STK39: variants seen among roughly 807,000 people sequenced by gnomAD.
The protein encoded by STK39 is STE20/SPS1-related proline-alanine-rich protein kinase.
A neutral mutation model predicts 77.8 loss-of-function variants in STK39; 20 were observed. The ratio of observed to expected loss-of-function variants is 0.26; its 90% CI spans 0.18 to 0.37. STK39 has a LOEUF of 0.37. Among genes scored for constraint, STK39 ranks in the 10% least tolerant of loss-of-function variants. The probability of loss-of-function intolerance (pLI) is 1.00; values close to 1 mark genes in which losing one functional copy is unlikely to be tolerated. For missense variants in STK39, 479 were observed against 656.5 expected (o/e 0.73, Z 2.95); for synonymous variants, 246 against 234.1 (o/e 1.05, Z -0.47).
At chr2:168,038,222 A>G (rs1685009162) in intron 14 of STK39, among the ~76,000 whole-genome samples, 1 of 152,164 alleles carries the variant, frequency 6.6e-6, no homozygotes, top group Admixed American at 6.5e-5. Flanking sequence ...TTGCTTAGGT[A>G]GGAGACTACC....
At chr2:168,101,720 C>G (rs1261194255) in intron 10 of STK39, among the ~76,000 whole-genome samples, 6 of 151,538 alleles carry the variant, frequency 4.0e-5, no homozygotes, top group Non-Finnish European at 8.8e-5. Context: ...CCTGGGCAAC[C>G]GAGCAAGACT....
At position 168,161,778 on chromosome 2, in the gene STK39, C is replaced by A; in HGVS notation, c.628+9G>T. 6.3e-7 allele frequency: 1 copy of A among 1,597,372 alleles called. No homozygotes were observed. Among genetic ancestry groups the A allele is most frequent in the Non-Finnish European group, 8.5e-7 (1 of 1,173,530 alleles). On this transcript the variant is annotated intron_variant, in intron 5 of 17. Transcript: ENST00000355999. ...TCAAGTAAAAAATTTTTCTATTTAT[C>A]AGCTTTACCTGCTATTTGTACTGAA...
At chr2:168,182,283 C>G (rs1453327591) in intron 1 of STK39, among the ~76,000 whole-genome samples, 193 bp from the exon 2 acceptor site, 1 of 151,992 alleles carries the variant, frequency 6.6e-6, no homozygotes, top group Non-Finnish European at 1.5e-5. Context: ...AAAAAAACTG[C>G]ATTTTCCAGA....
At chr2:167,984,676 A>G (rs572681189) in intron 16 of STK39, among the ~76,000 whole-genome samples, 17 of 152,318 alleles carry the variant, frequency 1.1e-4, no homozygotes, top group Admixed American at 4.6e-4. Flanking sequence ...TTTGGGGAGG[A>G]AAACATAAAA....
At chr2:168,235,821 A>G (rs1259137983) in intron 1 of STK39, among the ~76,000 whole-genome samples, 1 of 152,090 alleles carries the variant, frequency 6.6e-6, no homozygotes, top group Non-Finnish European at 1.5e-5. Context: ...TCCATGGTGT[A>G]TATGTGCCAC....
rs1691706720 is a variant in STK39 at position 167,954,139 on chromosome 2, C to A, written c.*1357G>T. 1 of 152,556 alleles carries A rather than the reference C, an allele frequency of 6.6e-6. No homozygotes were observed. The highest frequency in any genetic ancestry group is 1.5e-5 in the Non-Finnish European group (1 of 68,020). 9.5% of individuals were successfully genotyped at this position (152,556 alleles called of 1,614,324 possible). A position where few individuals can be genotyped will look rare whatever the true frequency, so the allele number is the denominator to read the frequency against. On this transcript the variant is annotated 3_prime_UTR_variant, in exon 18 of 18. Transcript: ENST00000355999. ...AAATTGTATGCAAATGGCTCTAGAA[C>A]ACCTTAACAATTATGACAAGGCAAT...
At chr2:168,135,987 A>AT (rs5836172) in intron 8 of STK39, among the ~76,000 whole-genome samples, 108,541 of 146,698 alleles carry the variant, frequency 0.74, 40,684 homozygotes, top group South Asian at 0.81. Flanking sequence ...CTTCTAAAGG[A>AT]TTTTTTTTTT....
chr2:168,176,316 T>A (rs1051890590), intron 2 of STK39, among the ~76,000 whole-genome samples: 3 of 149,444 alleles, frequency 2.0e-5, no homozygotes, highest in African/African-American at 7.5e-5. Context: ...AAACCTCAAT[T>A]AAAAGGAAGA....
chr2:168,001,175 A>G (rs1042632123), intron 16 of STK39, among the ~76,000 whole-genome samples: 35 of 151,752 alleles, frequency 2.3e-4, no homozygotes, highest in Middle Eastern at 3.4e-3. Context: ...ATAGTGGGTG[A>G]TTCTGAAAAA....
chr2:168,122,912 T>C (rs1247206602), intron 10 of STK39, among the ~76,000 whole-genome samples: 1 of 152,226 alleles, frequency 6.6e-6, no homozygotes, highest in Non-Finnish European at 1.5e-5. Context: ...ATGTAATCAG[T>C]GAATGTAAAT....
At chr2:168,189,354 C>A (rs367583363) in intron 1 of STK39, among the ~76,000 whole-genome samples, 3 of 151,496 alleles carry the variant, frequency 2.0e-5, no homozygotes, top group African/African-American at 7.3e-5. Flanking sequence ...AGGAATCAAA[C>A]CAGAACAAAT....
chr2:168,129,442 T>C, intron 10 of STK39, 99 bp downstream of exon 10: 1 of 1,322,720 alleles, frequency 7.6e-7, no homozygotes, highest in South Asian at 1.3e-5. Flanking sequence ...GTCTGAATAG[T>C]ATATCCTGCA....
chr2:168,217,413 C>T (rs752210205), intron 1 of STK39, among the ~76,000 whole-genome samples: 1 of 152,192 alleles, frequency 6.6e-6, no homozygotes, highest in Non-Finnish European at 1.5e-5. Context: ...TTATTACCTT[C>T]CTATACCACA....
intron 2 of STK39, among the ~76,000 whole-genome samples, chr2:168,170,224 T>G (rs1044184201): frequency 6.6e-6 from 1 of 152,218 alleles, no homozygotes; most frequent in African/African-American, 2.4e-5. Flanking sequence ...GCTCCCTTGG[T>G]AACAATCTAT....
At position 168,015,146 on chromosome 2, in the gene STK39, T is replaced by C. The variant is rs1684373593; in HGVS notation, c.1429+1897A>G. ...GTTTCATTAGTAATCTATTTTTCTT[T>C]AAGCTGTTTAACATCCCTGGTGCCT... On this transcript the variant is annotated intron_variant, in intron 15 of 17. Coordinates refer to ENST00000355999, the MANE Select transcript of STK39 (RefSeq NM_013233.3). Among the ~76,000 whole-genome samples the C allele has an allele frequency of 2.6e-5, 4 of 152,368 alleles. No homozygotes were observed. In the South Asian group the frequency reaches 8.3e-4, roughly 32 times the overall value.
At chr2:168,070,618 C>T (rs1387357528) in intron 12 of STK39, among the ~76,000 whole-genome samples, 12 of 144,898 alleles carry the variant, frequency 8.3e-5, no homozygotes, top group Non-Finnish European at 1.7e-4. Context: ...ATGACAGGCC[C>T]CAGTGTGTGA....
At chr2:168,084,843 C>G (rs1250601178) in intron 10 of STK39, among the ~76,000 whole-genome samples, 2 of 152,210 alleles carry the variant, frequency 1.3e-5, no homozygotes, top group Non-Finnish European at 2.9e-5. Flanking sequence ...AACTGCACAA[C>G]CTTTTAAGAA....
chr2:168,005,542 T>C (rs980809113), intron 16 of STK39, among the ~76,000 whole-genome samples: 3 of 152,230 alleles, frequency 2.0e-5, no homozygotes, highest in African/African-American at 7.2e-5. Context: ...GTATACAATG[T>C]ATTCATTTAT....
intron 16 of STK39, among the ~76,000 whole-genome samples, chr2:167,990,997 G>A (rs937599544): frequency 1.3e-5 from 2 of 152,318 alleles, no homozygotes; most frequent in Non-Finnish European, 1.5e-5. Flanking sequence ...TCAATGGGAT[G>A]TCACGGTAAA....
Sources: gnomAD v4.1 joint callset for allele counts (sites outside exome capture counted in the v4.1 genomes callset) on GRCh38, gnomAD v4.1.1 for gene constraint, MANE v1.5 for transcripts, NCBI Gene and HGNC (gene_info 2026-07-23, HGNC 2026-07-21) for gene names.